Variants in BRME1 observed in about 807,000 individuals in gnomAD.
BRME1 encodes BRCA2 and MEILB2-associating protein 1.
A neutral mutation model predicts 52.6 loss-of-function variants in BRME1; 31 were observed. The observed-to-expected ratio is 0.59, with a 90% CI of 0.44 to 0.80. The LOEUF is 0.80. BRME1 is among the 30% of genes least tolerant of loss of function. BRME1 has a pLI of 0.00. For missense variants in BRME1, 804 were observed against 860.3 expected (o/e 0.93, Z 0.82); for synonymous variants, 359 against 353.6 (o/e 1.02, Z -0.17).
chr19:13,894,067 CTT>C (rs771317173), intron 3 of BRME1, among the ~76,000 whole-genome samples: 8 of 152,048 alleles, frequency 5.3e-5, no homozygotes, highest in Admixed American at 2.6e-4. Flanking sequence ...TAACAGGTGA[CTT>C]TGTTACATTT....
chr19:13,904,088 G>A (rs574175820), intron 2 of BRME1, among the ~76,000 whole-genome samples: 103 of 152,050 alleles, frequency 6.8e-4, no homozygotes, highest in African/African-American at 2.4e-3. Context: ...TGCCCTCTCC[G>A]TTATTTCTAT....
intron 2 of BRME1, among the ~76,000 whole-genome samples, chr19:13,897,686 C>T (rs377037219): frequency 2.0e-5 from 3 of 151,782 alleles, no homozygotes; most frequent in East Asian, 3.9e-4. Context: ...GGCAACATGG[C>T]GAAACCCTGT....
intron 6 of BRME1, among the ~76,000 whole-genome samples, chr19:13,886,596 A>G (rs1271163810): frequency 6.6e-6 from 1 of 152,132 alleles, no homozygotes; most frequent in East Asian, 1.9e-4. Context: ...TTAAGCTTCT[A>G]AGCGTCAATG....
chr19:13,904,424 C>T (rs1440065018), intron 2 of BRME1, among the ~76,000 whole-genome samples: 1 of 151,254 alleles, frequency 6.6e-6, no homozygotes, highest in African/African-American at 2.4e-5. Flanking sequence ...TTCTTACCAG[C>T]ATGAATTAAA....
Position 13,888,570 on chromosome 19 carries a change from G to C in BRME1, c.1668+618C>G, listed in dbSNP as rs1324960443. ...ACAGGAGAATGAACGCCAACGGCTGGCACCGGCTCTGGAGCCAGAGGAGGC... is the reference window on the plus strand; with the variant it reads ...ACAGGAGAATGAACGCCAACGGCTGCCACCGGCTCTGGAGCCAGAGGAGGC... On this transcript the variant is annotated intron_variant, in intron 6 of 8. Transcript: ENST00000586783. This position sits in a 1 kb window ranked among gnomAD's most constrained non-coding sequence, Gnocchi z 4.1. 6.6e-6 allele frequency among the ~76,000 whole-genome samples: 1 copy of C among 152,256 alleles called. No homozygotes were observed. The highest frequency in any genetic ancestry group is 2.4e-5 in the African/African-American group (1 of 41,470).
At chr19:13,893,548 C>T (rs1372982008) in intron 3 of BRME1, among the ~76,000 whole-genome samples, 4 of 151,602 alleles carry the variant, frequency 2.6e-5, no homozygotes, top group Non-Finnish European at 4.4e-5. Context: ...AACAAACAAA[C>T]GAGGGGGATC....
Position 13,889,628 on chromosome 19 carries a change from C to G in BRME1, c.1228G>C (p.Asp410His). ...GAGGCTGTAGGGCCCACTAGGACATCGCCGGGGGGCTTGCCATCCTGCCCT... is the reference window on the plus strand; with the variant it reads ...GAGGCTGTAGGGCCCACTAGGACATGGCCGGGGGGCTTGCCATCCTGCCCT... ...EAGQDGKPPG[D>H]VLVGPTASLA... The change falls in exon 6 of 9, where the codon GAT (aspartate) becomes CAT (histidine). Residue 410 changes from aspartate (D) to histidine (H), a missense_variant. Transcript: ENST00000586783. 2 of 1,608,004 alleles carry G rather than the reference C, an allele frequency of 1.2e-6. No homozygotes were observed. Among genetic ancestry groups the G allele is most frequent in the Non-Finnish European group, 1.7e-6 (2 of 1,176,666 alleles).
chr19:13,886,195 G>T, intron 6 of BRME1, 140 bp from the exon 7 acceptor site: 1 of 650,496 alleles, frequency 1.5e-6, no homozygotes, highest in Non-Finnish European at 2.7e-6. Flanking sequence ...GACTCCTGCA[G>T]AGGAAGAGCG....
At chr19:13,885,712 G>A (rs939233031) in intron 7 of BRME1, among the ~76,000 whole-genome samples, 2 of 152,226 alleles carry the variant, frequency 1.3e-5, no homozygotes, top group Admixed American at 1.3e-4. Flanking sequence ...ACTGTCCCAG[G>A]GCTCCTGGGG....
At chr19:13,893,300 C>T (rs967986534) in intron 3 of BRME1, 77 bp from the exon 4 acceptor site, 42 of 1,277,548 alleles carry the variant, frequency 3.3e-5, no homozygotes, top group Admixed American at 4.9e-5. Context: ...GCACTTTGGG[C>T]GGCTGAGGCG....
At chr19:13,901,300 AATG>A (rs1970276767) in intron 2 of BRME1, among the ~76,000 whole-genome samples, 1 of 151,990 alleles carries the variant, frequency 6.6e-6, no homozygotes. Flanking sequence ...TTTCTTTTCA[AATG>A]ATGAAATTGT....
intron 2 of BRME1, among the ~76,000 whole-genome samples, chr19:13,898,689 T>C (rs1025688789): frequency 5.3e-5 from 8 of 151,996 alleles, no homozygotes; most frequent in African/African-American, 1.9e-4. Context: ...TTTGGGAGGC[T>C]GAGGCGGGCG....
Position 13,882,355 on chromosome 19 carries a change from G to A in BRME1, c.*447C>T, listed in dbSNP as rs898049325. 2 of 399,876 alleles carry A rather than the reference G, an allele frequency of 5.0e-6. No individual in the cohort carries two copies. Among genetic ancestry groups the A allele is most frequent in the African/African-American group, 4.1e-5 (2 of 48,632 alleles). The allele number at this position is 399,876 out of a possible 1,614,324, so 24.8% of individuals were successfully genotyped here. ...TCAGCCCCAAACAGCAGGTCACGGG[G>A]CCTCTACAGAATCATTTATTATGGG... On this transcript the variant is annotated 3_prime_UTR_variant, in exon 9 of 9. Transcript: ENST00000586783.
At position 13,892,882 on chromosome 19, in the gene BRME1, G is replaced by A. The variant is rs373200087; in HGVS notation, c.297C>T (p.Phe99=). ...PAPLPPSQNS[F]GRFVPQFAKS... ...TTGCAAACTGGGGAACAAACCTCCC[G>A]AATGAGTTCTGTAAACCGGATACAA... is the stretch of plus-strand genomic sequence containing the variant. The change falls in exon 5 of 9, where the codon TTC becomes TTT. Residue 99 remains phenylalanine (F), a synonymous_variant. Coordinates refer to ENST00000586783, the MANE Select transcript of BRME1 (RefSeq NM_001345843.2). The A allele has an allele frequency of 7.2e-5, 116 of 1,612,800 alleles. No individual in the cohort carries two copies. Among genetic ancestry groups the A allele is most frequent in the Admixed American group, 1.0e-4 (6 of 59,990 alleles).
At chr19:13,892,304 GGCCGTGCGCA>G (rs1275639447) in intron 5 of BRME1, among the ~76,000 whole-genome samples, 1 of 152,086 alleles carries the variant, frequency 6.6e-6, no homozygotes, top group African/African-American at 2.4e-5. Flanking sequence ...ATTGTGCTAA[GGCCGTGCGCA>G]GTGGCTCATG....
intron 2 of BRME1, among the ~76,000 whole-genome samples, chr19:13,903,673 CAA>C (rs35662610): frequency 3.1e-5 from 4 of 128,166 alleles, no homozygotes; most frequent in Non-Finnish European, 1.6e-5. Flanking sequence ...ACTTGGTCTC[CAA>C]AAAAAAAAAA....
rs1403506276 is a variant in BRME1 at position 13,895,460 on chromosome 19, A to C, written c.118T>G (p.Leu40Val). Residue 40 changes from leucine (L) to valine (V), a missense_variant, in exon 3 of 9, where the codon TTA (leucine) becomes GTA (valine). Physicochemically the swap from Leu to Val is conservative, Grantham distance 32. Transcript: ENST00000586783. ...CCCTCTGGCTCCTCAGGGTGATGTAAACAGCCCAACATGGAACTCTGGGGG... is the reference window on the plus strand; with the variant it reads ...CCCTCTGGCTCCTCAGGGTGATGTACACAGCCCAACATGGAACTCTGGGGG... Reference protein sequence around the residue: ...GDPQSSMLGCLHHPEEPEGKL... With the variant: ...GDPQSSMLGCVHHPEEPEGKL... The C allele has an allele frequency of 6.2e-7, 1 of 1,614,114 alleles. No individual in the cohort carries two copies. The highest frequency in any genetic ancestry group is 8.5e-7 in the Non-Finnish European group (1 of 1,180,006).
chr19:13,895,647 A>C, intron 2 of BRME1, 101 bp from the exon 3 acceptor site: 1 of 1,036,762 alleles, frequency 9.6e-7, no homozygotes, highest in South Asian at 1.5e-5. Flanking sequence ...GCACGCGAGA[A>C]GGGGCCGAAT....
intron 7 of BRME1, among the ~76,000 whole-genome samples, chr19:13,884,529 G>A (rs1968859579): frequency 6.6e-6 from 1 of 151,790 alleles, no homozygotes; most frequent in African/African-American, 2.4e-5. Context: ...TTAGGGGGCT[G>A]AAGTGGGAGA....
Sources: allele counts gnomAD v4.1 joint callset (sites outside exome capture counted in the v4.1 genomes callset), GRCh38; gene constraint gnomAD v4.1.1; non-coding constraint Gnocchi (gnomAD v3.1); transcripts MANE v1.5; gene names NCBI Gene and HGNC (gene_info 2026-07-23, HGNC 2026-07-21).